Variants in APEH observed in about 807,000 individuals in gnomAD.
APEH encodes acylamino-acid-releasing enzyme.
In APEH, 75 loss-of-function variants were observed where a neutral mutation model predicts 102.7. That is an observed-to-expected ratio of 0.73 (90% confidence interval 0.61 to 0.89). The LOEUF (loss-of-function observed/expected upper bound fraction) is 0.89. APEH is among the 40% of genes least tolerant of loss of function. APEH has a pLI of 0.00. For missense variants in APEH, 863 were observed against 941.2 expected (o/e 0.92, Z 1.09); for synonymous variants, 344 against 362.7 (o/e 0.95, Z 0.59).
In APEH at chr3:49,681,722, C is replaced by A; in HGVS notation, c.1439C>A (p.Ala480Asp). Reference protein sequence around the residue: ...PPPEQENVQYAGLDFEAILLQ... With the variant: ...PPPEQENVQYDGLDFEAILLQ... ...GCTGACTGCTGCCCTCTCCCTGCAG[C>A]TGGCCTTGACTTTGAAGCAATCCTG... is the stretch of plus-strand genomic sequence containing the variant. The change falls in exon 16 of 22, where the codon GCT (alanine) becomes GAT (aspartate). Residue 480 changes from alanine to aspartate, a missense_variant and splice_region_variant. By Grantham distance (126) the Ala-to-Asp change is moderately radical. Transcript: ENST00000296456. 7 of 1,579,226 alleles carry A rather than the reference C, an allele frequency of 4.4e-6. No homozygotes were observed. Among genetic ancestry groups the A allele is most frequent in the Non-Finnish European group, 6.0e-6 (7 of 1,160,942 alleles).
At chr3:49,674,706 C>T (rs2052939371) in intron 2 of APEH, 85 bp downstream of exon 2, 4 of 1,525,666 alleles carry the variant, frequency 2.6e-6, no homozygotes, top group South Asian at 2.4e-5. Context: ...CGCTGCTTGA[C>T]AGTGCGTAAG....
rs2053379011 is a variant in APEH at position 49,682,418 on chromosome 3, G to C, written c.1674G>C (p.Gln558His). ...ILSLPGNVGH[Q>H]DVKDVQFAVE... ...CCCTCCCAGGCAATGTGGGCCACCA[G>C]GATGTGAAGGATGTCCAGGTAGCAG... The change falls in exon 18 of 22, where the codon CAG (glutamine) becomes CAC (histidine). Residue 558 changes from glutamine (Q) to histidine (H), a missense_variant. Coordinates refer to ENST00000296456, the MANE Select transcript of APEH (RefSeq NM_001640.4). 1.2e-6 allele frequency: 2 copies of C among 1,613,964 alleles called. No homozygotes were observed. Among genetic ancestry groups the C allele is most frequent in the Admixed American group, 3.3e-5 (2 of 60,010 alleles).
intron 11 of APEH, 110 bp downstream of exon 11, chr3:49,677,743 A>G (rs888296424): frequency 2.0e-5 from 22 of 1,092,388 alleles, no homozygotes; most frequent in Admixed American, 3.5e-5. Context: ...TGAGGGCCCT[A>G]CCTCCCTGCT....
In APEH at chr3:49,679,706, G is replaced by A. The variant is rs1300091796; in HGVS notation, c.1210+62G>A. ...CTGGTGAGCAAGCCAACCAGGCAGC[G>A]GGGGACTGGAGCTCCAACATGTGGG... is the stretch of plus-strand genomic sequence containing the variant. On this transcript the variant is annotated intron_variant, in intron 13 of 21. Transcript: ENST00000296456. This position sits in a 1 kb window ranked among gnomAD's most constrained non-coding sequence, Gnocchi z 4.3. 1.6e-5 allele frequency: 25 copies of A among 1,534,256 alleles called. No individual in the cohort carries two copies. The East Asian group carries it at 1.8e-4, about 11-fold the overall frequency.
upstream of APEH, among the ~76,000 whole-genome samples, chr3:49,673,455 G>A (rs1169602712): frequency 6.6e-6 from 1 of 152,084 alleles, no homozygotes; most frequent in African/African-American, 2.4e-5. Context: ...GGGGAGGAAG[G>A]CAGGGACCCA....
upstream of APEH, chr3:49,674,269 G>A: frequency 8.2e-7 from 1 of 1,223,544 alleles, no homozygotes; most frequent in Non-Finnish European, 1.1e-6. Context: ...CCCATTAGCC[G>A]AAGGCCCCGC....
Position 49,678,705 on chromosome 3 carries a change from G to A in APEH, c.1061-147G>A, listed in dbSNP as rs891464312. On this transcript the variant is annotated intron_variant, in intron 11 of 21. Transcript: ENST00000296456. ...CTCAGGCAGCTCCTCATCGCGTAGCGTGCCCCCATGTGTGCTACAAGCTGC... is the reference window on the plus strand; with the variant it reads ...CTCAGGCAGCTCCTCATCGCGTAGCATGCCCCCATGTGTGCTACAAGCTGC... 3.7e-5 allele frequency: 25 copies of A among 682,994 alleles called. No homozygotes were observed. In the East Asian group the frequency reaches 3.9e-4, roughly 11 times the overall value. The allele number at this position is 682,994 out of a possible 1,614,324, so 42.3% of individuals were successfully genotyped here.
rs567341167 is a variant in APEH at position 49,676,569 on chromosome 3, C to G, written c.745-40C>G. On this transcript the variant is annotated intron_variant, in intron 7 of 21. Transcript: ENST00000296456. ...GGAGTCTGGGACCCTTCTTGAGCTA[C>G]CACCCCTTGCTCACTCCTGCCCTTT... The G allele has an allele frequency of 2.1e-4, 333 of 1,614,158 alleles. 4 individuals are homozygous for G. In the South Asian group the frequency reaches 2.9e-3, roughly 14 times the overall value.
rs765493835 is a variant in APEH, at chr3:49,676,121, C to T, written c.508C>T (p.Arg170Cys). The T allele has an allele frequency of 2.5e-6, 4 of 1,614,214 alleles. No homozygotes were observed. The highest frequency in any genetic ancestry group is 1.3e-5 in the African/African-American group (1 of 75,072). ...THLLYVAEKK[R>C]PKAESFFQTK... is the part of the protein sequence containing the mutation. ...CTTGTTGTATGTGGCAGAGAAGAAG[C>T]GCCCCAAGGCCGAGTCCTTCTTTCA... The change falls in exon 6 of 22, where the codon CGC (arginine) becomes TGC (cysteine). Residue 170 changes from arginine (R) to cysteine (C), a missense_variant. Transcript: ENST00000296456.
At chr3:49,673,801 CCTCACG>C (rs3834791), upstream of APEH, among the ~76,000 whole-genome samples, 2,981 of 145,642 alleles carry the variant, frequency 0.02, 61 homozygotes, top group African/African-American at 0.061. Context: ...CAACCCTCAC[CCTCACG>C]CTCACGCTCA....
At chr3:49,677,530 C>T in intron 10 of APEH, 43 bp from the exon 11 acceptor site, 2 of 1,568,942 alleles carry the variant, frequency 1.3e-6, no homozygotes, top group Admixed American at 1.7e-5. Flanking sequence ...CCTAAGGGAA[C>T]TGCCTGTCCC....
At position 49,676,370 on chromosome 3, in the gene APEH, G is replaced by T; in HGVS notation, c.607-8G>T. The T allele has an allele frequency of 6.2e-7, 1 of 1,614,166 alleles. No homozygotes were observed. Among genetic ancestry groups the T allele is most frequent in the Non-Finnish European group, 8.5e-7 (1 of 1,180,028 alleles). ...ACAGGCTGGGCATTGAGTATCTTGT[G>T]TTCTCAGGGGGATCAGTTTGTGTTT... is the stretch of plus-strand genomic sequence containing the variant. On this transcript the variant is annotated splice_region_variant and splice_polypyrimidine_tract_variant and intron_variant, in intron 6 of 21. Transcript: ENST00000296456.
chr3:49,682,736 G>C lies in APEH; in HGVS notation c.1883G>C (p.Trp628Ser). ...SMLGSTDIPDWCVVEAGFPFS... is the reference protein window; with the variant it reads ...SMLGSTDIPDSCVVEAGFPFS... ...TTGGGCTCCACTGACATCCCTGACTGGTAGGCATACACCACAGGTCCCTGC... is the reference window on the plus strand; with the variant it reads ...TTGGGCTCCACTGACATCCCTGACTCGTAGGCATACACCACAGGTCCCTGC... The change falls in exon 19 of 22, where the codon TGG becomes TCG. Residue 628 changes from tryptophan to serine, a missense_variant and splice_region_variant. Coordinates refer to ENST00000296456, the MANE Select transcript of APEH (RefSeq NM_001640.4). 1 of 1,613,832 alleles carries C rather than the reference G, an allele frequency of 6.2e-7. No individual in the cohort carries two copies. The highest frequency in any genetic ancestry group is 8.5e-7 in the Non-Finnish European group (1 of 1,179,934).
At chr3:49,683,008 A>ACACAGCTCCC in intron 20 of APEH, 32 bp from the exon 21 acceptor site, 3 of 1,612,096 alleles carry the variant, frequency 1.9e-6, no homozygotes, top group Non-Finnish European at 2.5e-6. Context: ...GCCCAGCTCA[A>ACACAGCTCCC]CACAGCTCCC....
rs1449476912 is a variant in APEH at position 49,682,896 on chromosome 3, G to A, written c.1937G>A (p.Ser646Asn). 1 of 1,613,974 alleles carries A rather than the reference G, an allele frequency of 6.2e-7. No homozygotes were observed. The highest frequency in any genetic ancestry group is 1.3e-5 in the African/African-American group (1 of 74,932). The change falls in exon 20 of 22, where the codon AGC (serine) becomes AAC (asparagine). Residue 646 changes from serine (S) to asparagine (N), a missense_variant. Physicochemically the swap from Ser to Asn is conservative, Grantham distance 46. Coordinates refer to ENST00000296456, the MANE Select transcript of APEH (RefSeq NM_001640.4). ...AGCAGTGACTGCCTGCCAGACCTCA[G>A]CGTGTGGGCTGAGATGCTGGACAAA... ...PFSSDCLPDL[S>N]VWAEMLDKSP...
intron 15 of APEH, 102 bp from the exon 16 acceptor site, chr3:49,681,620 G>A (rs927823393): frequency 2.9e-5 from 33 of 1,125,790 alleles, no homozygotes; most frequent in Admixed American, 8.6e-5. Flanking sequence ...CCTTGGCCAG[G>A]TCTCTGACCC....
rs1242503960 is a variant in APEH, at chr3:49,678,915, G to C, written c.1124G>C (p.Arg375Thr). The C allele has an allele frequency of 6.2e-7, 1 of 1,613,908 alleles. No individual in the cohort carries two copies. Among genetic ancestry groups the C allele is most frequent in the Admixed American group, 1.7e-5 (1 of 60,018 alleles). Residue 375 changes from arginine (R) to threonine (T), a missense_variant, in exon 12 of 22, where the codon AGA becomes ACA. Transcript: ENST00000296456. ...GGATGCTGGTCAGCTGACAGCCAGAGAGTGGTCTTTGACTCGGCTCAGCGC... is the reference window on the plus strand; with the variant it reads ...GGATGCTGGTCAGCTGACAGCCAGACAGTGGTCTTTGACTCGGCTCAGCGC... Reference protein sequence around the residue: ...PLGCWSADSQRVVFDSAQRSR... With the variant: ...PLGCWSADSQTVVFDSAQRSR...
At chr3:49,677,808 G>A (rs1294022178) in intron 11 of APEH, among the ~76,000 whole-genome samples, 175 bp downstream of exon 11, 4 of 152,026 alleles carry the variant, frequency 2.6e-5, no homozygotes, top group Admixed American at 6.5e-5. Flanking sequence ...CATAGGGAGC[G>A]GGGCTGTCAC....
Position 49,675,211 on chromosome 3 carries a change from G to A in APEH, c.174G>A (p.Met58Ile), listed in dbSNP as rs1426688772. Residue 58 changes from methionine (M) to isoleucine (I), a missense_variant, in exon 3 of 22, where the codon ATG becomes ATA. Physicochemically the swap from Met to Ile is conservative, Grantham distance 10. Transcript: ENST00000296456. ...GGACCCAGAGGGACCTGGAACGCAT[G>A]GAGAACATTCGATTCTGCCGCCAAT... is the stretch of plus-strand genomic sequence containing the variant. ...TEWTQRDLER[M>I]ENIRFCRQYL... 1.2e-6 allele frequency: 2 copies of A among 1,614,080 alleles called. No homozygotes were observed. The highest frequency in any genetic ancestry group is 2.2e-5 in the East Asian group (1 of 44,890).
Sources: gnomAD v4.1 joint callset for allele counts (sites outside exome capture counted in the v4.1 genomes callset) on GRCh38, gnomAD v4.1.1 for gene constraint, Gnocchi (gnomAD v3.1) non-coding constraint, MANE v1.5 for transcripts, NCBI Gene and HGNC (gene_info 2026-07-23, HGNC 2026-07-21) for gene names.